Variants in APCS observed in about 807,000 individuals in gnomAD.
The protein encoded by APCS is serum amyloid P-component.
APCS carries 2 observed loss-of-function variants against 2.5 expected under a neutral mutation model. That is an observed-to-expected ratio of 0.80 (90% CI 0.33 to 2.53). The LOEUF is 2.53. APCS is among the 30% of genes most tolerant of loss of function. The probability of loss-of-function intolerance (pLI) is 0.11; values close to 1 mark genes in which losing one functional copy is unlikely to be tolerated. For missense variants in APCS, 302 were observed against 258.9 expected (o/e 1.17, Z -1.14); for synonymous variants, 109 against 102.5 (o/e 1.06, Z -0.39).
Position 159,587,844 on chromosome 1 carries a change from C to T in APCS, c.-78C>T, listed in dbSNP as rs1658793879. On this transcript the variant is annotated 5_prime_UTR_variant, in exon 1 of 2. Transcript: ENST00000255040. ...AGTCTAAGGGCATGAATATCAGACG[C>T]TAGGGGGACAGCCACTGTGTTGTCT... 1.4e-6 allele frequency: 2 copies of T among 1,462,466 alleles called. No individual in the cohort carries two copies. The highest frequency in any genetic ancestry group is 1.9e-6 in the Non-Finnish European group (2 of 1,044,772). 90.6% of individuals were successfully genotyped at this position (1,462,466 alleles called of 1,614,324 possible). A position where few individuals can be genotyped will look rare whatever the true frequency, so the allele number is the denominator to read the frequency against.
intron 1 of APCS, 45 bp downstream of exon 1, chr1:159,588,030 AG>A (rs1658799450): frequency 6.2e-7 from 1 of 1,612,690 alleles, no homozygotes; most frequent in Non-Finnish European, 8.5e-7. Context: ...GTGAGAAAAT[AG>A]GTTGAAGCTG....
rs201507609 is a variant in APCS, at chr1:159,588,723, G to A, written c.*15G>A. 29 of 1,590,020 alleles carry A rather than the reference G, an allele frequency of 1.8e-5. 1 individual carries two copies. Among genetic ancestry groups the A allele is most frequent in the South Asian group, 6.7e-5 (6 of 89,342 alleles). On this transcript the variant is annotated 3_prime_UTR_variant, in exon 2 of 2. Transcript: ENST00000255040. Reference sequence around the variant, plus strand: ...TGTGGGTCTGAGGTCTTGACTCAACGAGAGCACTTGAAAATGAAATGACTG... The same window carrying A: ...TGTGGGTCTGAGGTCTTGACTCAACAAGAGCACTTGAAAATGAAATGACTG...
chr1:159,588,702 G>A lies in APCS; in HGVS notation c.666G>A (p.Trp222Ter), dbSNP rs763843176. ...ATGTCATCATCAAACCCTTGGTGTG[G>A]GTCTGAGGTCTTGACTCAACGAGAG... ...RGYVIIKPLV[W>*]V The change falls in exon 2 of 2, where the codon TGG becomes TGA. Residue 222 changes from tryptophan to a stop codon, truncating the protein, a stop_gained. Transcript: ENST00000255040. LOFTEE classifies it high-confidence loss of function. The A allele has an allele frequency of 3.1e-6, 5 of 1,608,024 alleles. No individual in the cohort carries two copies. The African/African-American group carries it at 6.7e-5, about 22-fold the overall frequency.
rs201642560 is a variant in APCS, at chr1:159,588,703, G to A, written c.667G>A (p.Val223Ile). The change falls in exon 2 of 2, where the codon GTC (valine) becomes ATC (isoleucine). Residue 223 changes from valine to isoleucine, a missense_variant. By Grantham distance (29) the Val-to-Ile change is conservative. Coordinates refer to ENST00000255040, the MANE Select transcript of APCS (RefSeq NM_001639.4). ...TGTCATCATCAAACCCTTGGTGTGG[G>A]TCTGAGGTCTTGACTCAACGAGAGC... ...GYVIIKPLVW[V>I] The A allele has an allele frequency of 1.3e-3, 2,062 of 1,608,524 alleles. 47 individuals carry two copies. The South Asian group carries it at 0.022, about 17-fold the overall frequency.
In APCS at chr1:159,588,360, G is replaced by A. The variant is rs28383572; in HGVS notation, c.324G>A (p.Pro108=). 39,523 of 1,614,032 alleles carry A rather than the reference G, an allele frequency of 0.024. 697 individuals carry two copies. Among genetic ancestry groups the A allele is most frequent in the South Asian group, 0.071 (6,477 of 91,072 alleles). The part of the protein sequence containing the change: ...KVTSKVIEKF[P]APVHICVSWE... ...CATCCAAAGTTATCGAAAAGTTCCCGGCTCCAGTGCACATCTGTGTGAGCT... is the reference window on the plus strand; with the variant it reads ...CATCCAAAGTTATCGAAAAGTTCCCAGCTCCAGTGCACATCTGTGTGAGCT... Residue 108 remains proline, a synonymous_variant, in exon 2 of 2, where the codon CCG becomes CCA. Coordinates refer to ENST00000255040, the MANE Select transcript of APCS (RefSeq NM_001639.4).
In APCS at chr1:159,588,499, G is replaced by C. The variant is rs746370899; in HGVS notation, c.463G>C (p.Glu155Gln). ...TCAGCCCAAGATTGTCCTGGGGCAG[G>C]AACAGGATTCCTATGGGGGCAAGTT... ...EAQPKIVLGQ[E>Q]QDSYGGKFDR... Residue 155 changes from glutamate to glutamine, a missense_variant, in exon 2 of 2, where the codon GAA (glutamate) becomes CAA (glutamine). Coordinates refer to ENST00000255040, the MANE Select transcript of APCS (RefSeq NM_001639.4). 6.2e-7 allele frequency: 1 copy of C among 1,613,744 alleles called. No homozygotes were observed. Among genetic ancestry groups the C allele is most frequent in the Non-Finnish European group, 8.5e-7 (1 of 1,179,878 alleles).
At position 159,588,145 on chromosome 1, in the gene APCS, GATC is replaced by G; in HGVS notation, c.112_114del (p.His38del). 1 of 1,613,890 alleles carries G rather than the reference GATC, an allele frequency of 6.2e-7. No individual in the cohort carries two copies. The highest frequency in any genetic ancestry group is 8.5e-7 in the Non-Finnish European group (1 of 1,179,826). ...TGTATTTCCTAGAGAATCTGTTACTGATCATGTAAACTTGATCACACCGCTGGA... is the reference window on the plus strand; with the variant it reads ...TGTATTTCCTAGAGAATCTGTTACTGATGTAAACTTGATCACACCGCTGGA... On this transcript the variant is annotated inframe_deletion, in exon 2 of 2. Transcript: ENST00000255040.
chr1:159,588,516 G>A lies in APCS; in HGVS notation c.480G>A (p.Gly160=), dbSNP rs1376831299. The A allele has an allele frequency of 6.2e-7, 1 of 1,613,990 alleles. No individual in the cohort carries two copies. The highest frequency in any genetic ancestry group is 2.2e-5 in the East Asian group (1 of 44,864). ...TGGGGCAGGAACAGGATTCCTATGG[G>A]GGCAAGTTTGATAGGAGCCAGTCCT... ...IVLGQEQDSY[G]GKFDRSQSFV... The change falls in exon 2 of 2, where the codon GGG becomes GGA. Residue 160 remains glycine, a synonymous_variant. Coordinates refer to ENST00000255040, the MANE Select transcript of APCS (RefSeq NM_001639.4).
At position 159,588,649 on chromosome 1, in the gene APCS, C is replaced by T. The variant is rs1658818460; in HGVS notation, c.613C>T (p.Gln205Ter). Residue 205 changes from glutamine to a stop codon, truncating the protein, a stop_gained, in exon 2 of 2, where the codon CAG becomes TAG. Transcript: ENST00000255040. LOFTEE classifies it low-confidence loss of function (END_TRUNC). Reference protein sequence around the residue: ...TPLPANILDWQALNYEIRGYV... With the variant: ...TPLPANILDW ...TCTCCCTGCCAATATCCTGGACTGG[C>T]AGGCTCTGAACTATGAAATCAGAGG... 6.2e-7 allele frequency: 1 copy of T among 1,613,606 alleles called. No homozygotes were observed. Among genetic ancestry groups the T allele is most frequent in the Non-Finnish European group, 8.5e-7 (1 of 1,179,922 alleles).
Position 159,588,425 on chromosome 1 carries a change from G to A in APCS, c.389G>A (p.Gly130Glu). 2 of 1,614,024 alleles carry A rather than the reference G, an allele frequency of 1.2e-6. No homozygotes were observed. The highest frequency in any genetic ancestry group is 1.1e-5 in the South Asian group (1 of 91,074). ...GGTATTGCTGAATTTTGGATCAATG[G>A]GACACCTTTGGTGAAAAAGGGTCTG... ...SSGIAEFWIN[G>E]TPLVKKGLRQ... Residue 130 changes from glycine to glutamate, a missense_variant, in exon 2 of 2, where the codon GGG becomes GAG. Transcript: ENST00000255040.
Position 159,588,022 on chromosome 1 carries a change from G to T in APCS, c.64+37G>T, listed in dbSNP as rs369633878. ...AAGGAATGGTCAAGAATCATAAAGT[G>T]AGAAAATAGGTTGAAGCTGAGATAT... On this transcript the variant is annotated intron_variant, in intron 1 of 1. Coordinates refer to ENST00000255040, the MANE Select transcript of APCS (RefSeq NM_001639.4). 3.1e-6 allele frequency: 5 copies of T among 1,613,018 alleles called. No homozygotes were observed. In the African/African-American group the frequency reaches 6.7e-5, roughly 22 times the overall value.
chr1:159,588,742 A>G lies in APCS; in HGVS notation c.*34A>G, dbSNP rs749558737. On this transcript the variant is annotated 3_prime_UTR_variant, in exon 2 of 2. Coordinates refer to ENST00000255040, the MANE Select transcript of APCS (RefSeq NM_001639.4). ...CTCAACGAGAGCACTTGAAAATGAA[A>G]TGACTGTCTAAGAGATCTGGTCAAA... 3.2e-6 allele frequency: 5 copies of G among 1,577,584 alleles called. No individual in the cohort carries two copies. In the African/African-American group the frequency reaches 6.8e-5, roughly 21 times the overall value.
rs200112420 is a variant in APCS, at chr1:159,588,402, T to C, written c.366T>C (p.Gly122=). The C allele has an allele frequency of 3.4e-4, 544 of 1,614,112 alleles. 11 individuals carry two copies. In the South Asian group the frequency reaches 5.7e-3, roughly 17 times the overall value. The part of the protein sequence containing the change: ...HICVSWESSS[G]IAEFWINGTP... The stretch of plus-strand genomic sequence containing the variant: ...GTGTGAGCTGGGAGTCCTCATCAGG[T>C]ATTGCTGAATTTTGGATCAATGGGA... Residue 122 remains glycine, a synonymous_variant, in exon 2 of 2, where the codon GGT becomes GGC. Transcript: ENST00000255040.
chr1:159,587,849 G>C lies in APCS; in HGVS notation c.-73G>C. The C allele has an allele frequency of 2.7e-6, 4 of 1,485,052 alleles. No individual in the cohort carries two copies. The Admixed American group carries it at 6.7e-5, about 25-fold the overall frequency. The allele number at this position is 1,485,052 out of a possible 1,614,324, so 92.0% of individuals were successfully genotyped here. ...AAGGGCATGAATATCAGACGCTAGG[G>C]GGACAGCCACTGTGTTGTCTGCTAC... On this transcript the variant is annotated 5_prime_UTR_variant, in exon 1 of 2. Coordinates refer to ENST00000255040, the MANE Select transcript of APCS (RefSeq NM_001639.4).
chr1:159,588,515 G>A lies in APCS; in HGVS notation c.479G>A (p.Gly160Glu). ...IVLGQEQDSY[G>E]GKFDRSQSFV... Reference sequence around the variant, plus strand: ...CTGGGGCAGGAACAGGATTCCTATGGGGGCAAGTTTGATAGGAGCCAGTCC... The same window carrying A: ...CTGGGGCAGGAACAGGATTCCTATGAGGGCAAGTTTGATAGGAGCCAGTCC... Residue 160 changes from glycine to glutamate, a missense_variant, in exon 2 of 2, where the codon GGG (glycine) becomes GAG (glutamate). Coordinates refer to ENST00000255040, the MANE Select transcript of APCS (RefSeq NM_001639.4). The A allele has an allele frequency of 6.2e-7, 1 of 1,613,980 alleles. No individual in the cohort carries two copies. Among genetic ancestry groups the A allele is most frequent in the South Asian group, 1.1e-5 (1 of 91,060 alleles).
In APCS at chr1:159,587,848, G is replaced by T. The variant is rs938055440; in HGVS notation, c.-74G>T. On this transcript the variant is annotated 5_prime_UTR_variant, in exon 1 of 2. Coordinates refer to ENST00000255040, the MANE Select transcript of APCS (RefSeq NM_001639.4). ...TAAGGGCATGAATATCAGACGCTAGGGGGACAGCCACTGTGTTGTCTGCTA... is the reference window on the plus strand; with the variant it reads ...TAAGGGCATGAATATCAGACGCTAGTGGGACAGCCACTGTGTTGTCTGCTA... 1 of 1,481,442 alleles carries T rather than the reference G, an allele frequency of 6.8e-7. No individual in the cohort carries two copies. The highest frequency in any genetic ancestry group is 9.4e-7 in the Non-Finnish European group (1 of 1,061,698). 91.8% of individuals were successfully genotyped at this position (1,481,442 alleles called of 1,614,324 possible). A position where few individuals can be genotyped will look rare whatever the true frequency, so the allele number is the denominator to read the frequency against.
Position 159,588,585 on chromosome 1 carries a change from G to A in APCS, c.549G>A (p.Leu183=). ...ATTTGTACATGTGGGACTCTGTGCTGCCCCCAGAAAATATCCTGTCTGCCT... is the reference window on the plus strand; with the variant it reads ...ATTTGTACATGTGGGACTCTGTGCTACCCCCAGAAAATATCCTGTCTGCCT... The part of the protein sequence containing the change: ...IGDLYMWDSV[L]PPENILSAYQ... The change falls in exon 2 of 2, where the codon CTG becomes CTA. Residue 183 remains leucine, a synonymous_variant. Coordinates refer to ENST00000255040, the MANE Select transcript of APCS (RefSeq NM_001639.4). 1.2e-6 allele frequency: 2 copies of A among 1,613,750 alleles called. No homozygotes were observed. Among genetic ancestry groups the A allele is most frequent in the Non-Finnish European group, 1.7e-6 (2 of 1,179,934 alleles).
At position 159,587,967 on chromosome 1, in the gene APCS, G is replaced by T; in HGVS notation, c.46G>T (p.Glu16Ter). ...GATCTCTGTCCTCACCAGCCTCCTG[G>T]AAGCCTTTGCTCACACAGGTAAGGA... is the stretch of plus-strand genomic sequence containing the variant. ...LWISVLTSLL[E>*]AFAHTDLSGK... is the part of the protein sequence containing the mutation. The change falls in exon 1 of 2, where the codon GAA (glutamate) becomes TAA (stop). Residue 16 changes from glutamate to a stop codon, truncating the protein, a stop_gained. Transcript: ENST00000255040. LOFTEE classifies it low-confidence loss of function (END_TRUNC). The T allele has an allele frequency of 1.2e-6, 2 of 1,614,144 alleles. No individual in the cohort carries two copies. Among genetic ancestry groups the T allele is most frequent in the Non-Finnish European group, 1.7e-6 (2 of 1,180,034 alleles).
In APCS at chr1:159,587,944, T is replaced by G; in HGVS notation, c.23T>G (p.Ile8Ser). Residue 8 changes from isoleucine to serine, a missense_variant, in exon 1 of 2, where the codon ATC becomes AGC. Ile to Ser is a moderately radical substitution (Grantham distance 142). Coordinates refer to ENST00000255040, the MANE Select transcript of APCS (RefSeq NM_001639.4). ...AATATGAACAAGCCGCTGCTTTGGA[T>G]CTCTGTCCTCACCAGCCTCCTGGAA... The part of the protein sequence containing the change: MNKPLLW[I>S]SVLTSLLEAF... 1 of 1,614,074 alleles carries G rather than the reference T, an allele frequency of 6.2e-7. No homozygotes were observed. The highest frequency in any genetic ancestry group is 8.5e-7 in the Non-Finnish European group (1 of 1,180,008).
Sources: allele counts gnomAD v4.1 joint callset, GRCh38; gene constraint gnomAD v4.1.1; transcripts MANE v1.5; gene names NCBI Gene and HGNC (gene_info 2026-07-23, HGNC 2026-07-21).